LPAR1: variants seen among roughly 807,000 people sequenced by gnomAD.
LPAR1 encodes lysophosphatidic acid receptor 1.
A neutral mutation model predicts 23.8 loss-of-function variants in LPAR1; 5 were observed. The ratio of observed to expected loss-of-function variants is 0.21; its 90% CI spans 0.11 to 0.44. LPAR1 has a LOEUF of 0.44. LPAR1 is among the 20% of genes least tolerant of loss of function. The pLI, the probability that LPAR1 is intolerant of heterozygous loss-of-function variation, is 0.99. For missense variants in LPAR1, 311 were observed against 482.8 expected (o/e 0.64, Z 3.33); for synonymous variants, 160 against 164.7 (o/e 0.97, Z 0.22).
chr9:110,968,718 T>C (rs1260611511), intron 4 of LPAR1, among the ~76,000 whole-genome samples: 3 of 152,198 alleles, frequency 2.0e-5, no homozygotes, highest in Admixed American at 1.3e-4. Flanking sequence ...AGGGCAAAAC[T>C]TATTTCTCTT....
chr9:110,947,624 C>T (rs755701618), intron 4 of LPAR1, among the ~76,000 whole-genome samples: 6 of 152,186 alleles, frequency 3.9e-5, no homozygotes, highest in African/African-American at 7.2e-5. Flanking sequence ...CATTCTTGAA[C>T]GTTTATAGGA....
At chr9:111,038,830 C>T (rs2097949622), upstream of LPAR1, 3 of 324,292 alleles carry the variant, frequency 9.3e-6, no homozygotes, top group Non-Finnish European at 1.8e-5. The surrounding 1 kb of genome is among the most constrained non-coding windows in gnomAD (Gnocchi z 4.4). Flanking sequence ...AGACCCGTGG[C>T]CGCCAGCTCG....
chr9:110,983,841 CA>C (rs1288241858), intron 2 of LPAR1, among the ~76,000 whole-genome samples: 1 of 151,662 alleles, frequency 6.6e-6, no homozygotes, highest in East Asian at 1.9e-4. Context: ...AACCTCACCC[CA>C]ACAAATAAGA....
At chr9:110,948,935 C>T (rs939606498) in intron 4 of LPAR1, among the ~76,000 whole-genome samples, 1 of 126,532 alleles carries the variant, frequency 7.9e-6, no homozygotes, top group Non-Finnish European at 1.8e-5. Context: ...AAAAGATATC[C>T]CTACTTGCAC....
At chr9:111,021,602 GAATCTGAAAGGATAAAAAA>G (rs2097561367) in intron 2 of LPAR1, among the ~76,000 whole-genome samples, 1 of 152,140 alleles carries the variant, frequency 6.6e-6, no homozygotes, top group Non-Finnish European at 1.5e-5. Flanking sequence ...CATGTTTGCT[GAATCTGAAAGGATAAAAAA>G]AATTAATTCC....
intron 5 of LPAR1, among the ~76,000 whole-genome samples, chr9:110,896,630 C>T (rs1162190533): frequency 6.6e-6 from 1 of 152,066 alleles, no homozygotes; most frequent in East Asian, 1.9e-4. Flanking sequence ...GAATAGTACA[C>T]TAAGGATTAC....
At chr9:110,909,914 A>AT (rs1407439014) in intron 5 of LPAR1, among the ~76,000 whole-genome samples, 6 of 151,604 alleles carry the variant, frequency 4.0e-5, no homozygotes, top group African/African-American at 1.5e-4. Context: ...TGCTCGGCTA[A>AT]TTTTTTGCAT....
chr9:111,026,738 G>C (rs1485522798), intron 2 of LPAR1, among the ~76,000 whole-genome samples: 1 of 152,148 alleles, frequency 6.6e-6, no homozygotes, highest in African/African-American at 2.4e-5. Context: ...TAGCATGAAA[G>C]GGTGTTGAAT....
intron 5 of LPAR1, among the ~76,000 whole-genome samples, chr9:110,885,583 A>T (rs2132809255): frequency 6.6e-6 from 1 of 152,362 alleles, no homozygotes; most frequent in Admixed American, 6.5e-5. Flanking sequence ...GGTAGCTACT[A>T]TTCTCAGGAA....
chr9:111,034,168 C>T (rs1302890640), intron 2 of LPAR1, among the ~76,000 whole-genome samples: 2 of 152,166 alleles, frequency 1.3e-5, no homozygotes, highest in Admixed American at 1.3e-4. Context: ...ACTGCAGTAC[C>T]GAGTGTGCTA....
intron 4 of LPAR1, among the ~76,000 whole-genome samples, chr9:110,964,608 T>C (rs1250029756): frequency 6.6e-6 from 1 of 152,132 alleles, no homozygotes; most frequent in Admixed American, 6.5e-5. Context: ...ATTTTTATTT[T>C]TGTGAATGTC....
chr9:110,919,367 A>G (rs1188096243), intron 5 of LPAR1, among the ~76,000 whole-genome samples: 2 of 152,130 alleles, frequency 1.3e-5, no homozygotes, highest in African/African-American at 4.8e-5. Context: ...TCCCTAGTCG[A>G]GCCTCCACAT....
chr9:111,013,358 C>A (rs908891161), intron 2 of LPAR1, among the ~76,000 whole-genome samples: 5 of 152,144 alleles, frequency 3.3e-5, no homozygotes, highest in African/African-American at 9.7e-5. Flanking sequence ...AATGTAATAA[C>A]CATGACCCTC....
chr9:110,905,349 A>T (rs2418117), intron 5 of LPAR1, among the ~76,000 whole-genome samples: 26,868 of 145,058 alleles, frequency 0.19, 3,037 homozygotes, highest in Admixed American at 0.27. Flanking sequence ...TTTTTTTATT[A>T]TTTTTTTTTT....
chr9:110,874,114 T>TA lies in LPAR1; in HGVS notation c.*1306dup, dbSNP rs1290267162. Reference sequence around the variant, plus strand: ...TACAAGATGACATTTCACATTTTTTTAAAAAAAGAATCCTTCATGGGAATA... The same window carrying TA: ...TACAAGATGACATTTCACATTTTTTTAAAAAAAAGAATCCTTCATGGGAATA... On this transcript the variant is annotated 3_prime_UTR_variant, in exon 6 of 6. Transcript: ENST00000683809. 1.3e-5 allele frequency: 2 copies of TA among 152,530 alleles called. No homozygotes were observed. Among genetic ancestry groups the TA allele is most frequent in the African/African-American group, 4.8e-5 (2 of 41,436 alleles). The allele number at this position is 152,530 out of a possible 1,614,324, so 9.4% of individuals were successfully genotyped here. A position where few individuals can be genotyped will look rare whatever the true frequency, so the allele number is the denominator to read the frequency against.
intron 4 of LPAR1, among the ~76,000 whole-genome samples, chr9:110,951,497 A>G (rs1005393028): frequency 6.6e-6 from 1 of 152,238 alleles, no homozygotes; most frequent in Non-Finnish European, 1.5e-5. Context: ...GGCAATTCAC[A>G]GAAGAGAAAA....
intron 4 of LPAR1, among the ~76,000 whole-genome samples, chr9:110,962,611 T>C (rs2096044493): frequency 6.6e-6 from 1 of 152,226 alleles, no homozygotes; most frequent in African/African-American, 2.4e-5. Flanking sequence ...AGTTGCTTTA[T>C]TTCTAATCTA....
intron 2 of LPAR1, among the ~76,000 whole-genome samples, chr9:111,021,687 G>A (rs1192072463): frequency 6.6e-6 from 1 of 152,134 alleles, no homozygotes; most frequent in Non-Finnish European, 1.5e-5. Context: ...TAGGCCAGTT[G>A]CCGTGGCTCA....
intron 5 of LPAR1, among the ~76,000 whole-genome samples, chr9:110,938,810 G>A (rs1322802742): frequency 6.6e-6 from 1 of 152,104 alleles, no homozygotes; most frequent in Admixed American, 6.6e-5. Context: ...GGAGGTCCAG[G>A]CTACAATGAG....
Sources: gnomAD v4.1 joint callset for allele counts (sites outside exome capture counted in the v4.1 genomes callset) on GRCh38, gnomAD v4.1.1 for gene constraint, Gnocchi (gnomAD v3.1) non-coding constraint, MANE v1.5 for transcripts, NCBI Gene and HGNC (gene_info 2026-07-23, HGNC 2026-07-21) for gene names.